Variants in CD200R1 observed in about 807,000 individuals in gnomAD.
CD200R1 encodes the protein CD200 receptor 1, also known as cell surface glycoprotein CD200 receptor 1.
Under a neutral mutation model 38.1 loss-of-function variants are expected in CD200R1, and 30 were observed. The ratio of observed to expected loss-of-function variants is 0.79; its 90% CI spans 0.59 to 1.07. The LOEUF is 1.07. Ranked by LOEUF, CD200R1 falls within the 50% of genes least tolerant of loss-of-function variation. The pLI, the probability that CD200R1 is intolerant of heterozygous loss-of-function variation, is 0.00. For synonymous variants in CD200R1, 128 were observed against 152.1 expected (o/e 0.84, Z 1.16); for missense variants, 372 against 415.4 (o/e 0.90, Z 0.91).
intron 2 of CD200R1, among the ~76,000 whole-genome samples, chr3:112,941,959 A>G (rs1016198098): frequency 6.6e-6 from 1 of 151,738 alleles, no homozygotes; most frequent in South Asian, 2.1e-4. Flanking sequence ...GAAAAAAACT[A>G]CCAACCTAGA....
chr3:112,960,636 T>C (rs1932993952), intron 1 of CD200R1, among the ~76,000 whole-genome samples: 1 of 152,026 alleles, frequency 6.6e-6, no homozygotes, highest in East Asian at 1.9e-4. Flanking sequence ...TTGTTTGGGA[T>C]TCCACAAACA....
chr3:112,955,484 TA>T (rs1941075052), intron 1 of CD200R1, among the ~76,000 whole-genome samples: 1 of 152,048 alleles, frequency 6.6e-6, no homozygotes, highest in Non-Finnish European at 1.5e-5. Flanking sequence ...TATCAATATA[TA>T]AAGACCTTTT....
At chr3:112,935,800 G>T (rs921906951) in intron 2 of CD200R1, among the ~76,000 whole-genome samples, 5 of 152,098 alleles carry the variant, frequency 3.3e-5, no homozygotes, top group Non-Finnish European at 7.4e-5. Context: ...TTTTCTGTTT[G>T]CAATATTTTA....
chr3:112,926,264 A>C (rs1272742675), intron 5 of CD200R1, among the ~76,000 whole-genome samples: 1 of 152,186 alleles, frequency 6.6e-6, no homozygotes, highest in African/African-American at 2.4e-5. Context: ...TGTTGCATGA[A>C]TATAGCTCAG....
At chr3:112,942,668 CGG>C (rs1407388174) in intron 2 of CD200R1, among the ~76,000 whole-genome samples, 1 of 151,314 alleles carries the variant, frequency 6.6e-6, no homozygotes, top group African/African-American at 2.4e-5. Context: ...AAATAAAAGA[CGG>C]AGATTGTCAG....
At chr3:112,951,314 T>TA (rs1474207538) in intron 1 of CD200R1, among the ~76,000 whole-genome samples, 6 of 151,916 alleles carry the variant, frequency 3.9e-5, no homozygotes, top group African/African-American at 1.4e-4. Flanking sequence ...TACTTAAGAA[T>TA]AAAAAAACTG....
At chr3:112,942,244 T>C (rs1940744187) in intron 2 of CD200R1, among the ~76,000 whole-genome samples, 2 of 151,642 alleles carry the variant, frequency 1.3e-5, no homozygotes, top group Non-Finnish European at 3.0e-5. Context: ...AAAATAATGA[T>C]AGTAACAATG....
chr3:112,964,217 C>A (rs1933097268), intron 1 of CD200R1, among the ~76,000 whole-genome samples: 1 of 152,148 alleles, frequency 6.6e-6, no homozygotes. Flanking sequence ...GGGTTGGAGC[C>A]CCCACACAGA....
chr3:112,974,870 T>C lies in CD200R1; in HGVS notation c.-13A>G, dbSNP rs764740067. On this transcript the variant is annotated 5_prime_UTR_variant, in exon 1 of 8. Transcript: ENST00000308611. ...AAGGGCAGAGCATTTCTGTTTTCTC[T>C]TTTTCTGCCCTTCACTCAGTACTTT... The C allele has an allele frequency of 6.2e-7, 1 of 1,610,016 alleles. No homozygotes were observed. Among genetic ancestry groups the C allele is most frequent in the East Asian group, 2.2e-5 (1 of 44,826 alleles).
intron 1 of CD200R1, among the ~76,000 whole-genome samples, chr3:112,963,008 T>C (rs2107341694): frequency 6.6e-6 from 1 of 152,290 alleles, no homozygotes. Flanking sequence ...CTCATGATAG[T>C]GATTAAGTCT....
chr3:112,952,634 TG>T (rs1940991630), intron 1 of CD200R1, among the ~76,000 whole-genome samples: 1 of 151,186 alleles, frequency 6.6e-6, no homozygotes, highest in South Asian at 2.1e-4. Context: ...CAGGGCCTGT[TG>T]TGGGGTGGGA....
At chr3:112,931,267 C>T (rs2107306518) in intron 2 of CD200R1, 96 bp from the exon 3 acceptor site, 1 of 701,564 alleles carries the variant, frequency 1.4e-6, no homozygotes, top group East Asian at 2.8e-5. Context: ...ACATGATAGG[C>T]AATCAGTTAA....
intron 1 of CD200R1, among the ~76,000 whole-genome samples, chr3:112,972,578 C>T (rs1366998759): frequency 1.3e-5 from 2 of 152,036 alleles, no homozygotes; most frequent in African/African-American, 4.8e-5. Flanking sequence ...GCACAGGGTA[C>T]GGGGAGTGTC....
chr3:112,950,323 C>T (rs913889251), intron 1 of CD200R1, among the ~76,000 whole-genome samples: 2 of 151,548 alleles, frequency 1.3e-5, no homozygotes, highest in Non-Finnish European at 2.9e-5. Context: ...ATTGCTTGAA[C>T]CCGGGAGGCA....
chr3:112,929,539 G>C, intron 3 of CD200R1, 32 bp from the exon 4 acceptor site: 1 of 1,550,788 alleles, frequency 6.4e-7, no homozygotes. Context: ...TAAAAGAAAA[G>C]CTTGATAAAG....
intron 2 of CD200R1, among the ~76,000 whole-genome samples, chr3:112,945,702 T>C (rs1940833144): frequency 6.6e-6 from 1 of 152,150 alleles, no homozygotes; most frequent in Non-Finnish European, 1.5e-5. Flanking sequence ...AAAGAATCTA[T>C]AAACTGGACT....
At position 112,939,178 on chromosome 3, in the gene CD200R1, A is replaced by G. The variant is rs1437600052; in HGVS notation, c.137-8007T>C. On this transcript the variant is annotated intron_variant, in intron 2 of 7. Coordinates refer to ENST00000308611, the MANE Select transcript of CD200R1 (RefSeq NM_138806.4). ...GTAGCTAATATTATACTAAATGGGG[A>G]AAAGCTTTCAGCTTTTAAGAATTAG... is the stretch of plus-strand genomic sequence containing the variant. 4.6e-5 allele frequency among the ~76,000 whole-genome samples: 7 copies of G among 152,022 alleles called. No individual in the cohort carries two copies. In the East Asian group the frequency reaches 1.3e-3, roughly 29 times the overall value.
chr3:112,956,844 G>A (rs1036885600), intron 1 of CD200R1, among the ~76,000 whole-genome samples: 2 of 152,170 alleles, frequency 1.3e-5, no homozygotes, highest in Admixed American at 1.3e-4. Context: ...AGTAGCCACT[G>A]AGGCATGCCT....
At chr3:112,968,504 TGGAAGAA>T (rs972413716) in intron 1 of CD200R1, among the ~76,000 whole-genome samples, 18 of 152,230 alleles carry the variant, frequency 1.2e-4, no homozygotes, top group African/African-American at 4.3e-4. Context: ...TGTCAATGCT[TGGAAGAA>T]GGAAATAGGG....
Sources: gnomAD v4.1 joint callset for allele counts (sites outside exome capture counted in the v4.1 genomes callset) on GRCh38, gnomAD v4.1.1 for gene constraint, MANE v1.5 for transcripts, NCBI Gene and HGNC (gene_info 2026-07-23, HGNC 2026-07-21) for gene names.